FOXP1: variants seen among roughly 807,000 people sequenced by gnomAD.
The protein encoded by FOXP1 is forkhead box protein P1.
A neutral mutation model predicts 98.2 loss-of-function variants in FOXP1; 15 were observed. The observed-to-expected ratio is 0.15, with a 90% CI of 0.10 to 0.24. The LOEUF (loss-of-function observed/expected upper bound fraction) is 0.24. Ranked by LOEUF, FOXP1 falls within the 10% of genes least tolerant of loss-of-function variation. The pLI is 1.00. For synonymous variants in FOXP1, 371 were observed against 314.5 expected (o/e 1.18, Z -1.90); for missense variants, 633 against 848.5 (o/e 0.75, Z 3.15).
intron 17 of FOXP1, among the ~76,000 whole-genome samples, chr3:70,976,428 T>A (rs1575791995): frequency 6.6e-6 from 1 of 152,234 alleles, no homozygotes; most frequent in African/African-American, 2.4e-5. Flanking sequence ...GTGTTCTCCA[T>A]TAATAACTCC....
intron 7 of FOXP1, among the ~76,000 whole-genome samples, chr3:71,092,040 T>G (rs1375529915): frequency 6.6e-6 from 1 of 151,696 alleles, no homozygotes; most frequent in Non-Finnish European, 1.5e-5. Context: ...ATACAAAAAT[T>G]AGCCGGGCAT....
intron 5 of FOXP1, among the ~76,000 whole-genome samples, chr3:71,283,077 T>C (rs1391157499): frequency 1.3e-5 from 2 of 152,174 alleles, no homozygotes; most frequent in East Asian, 1.9e-4. Flanking sequence ...GTCCAGGCCA[T>C]GGGTACCCAT....
intron 6 of FOXP1, among the ~76,000 whole-genome samples, chr3:71,174,914 TG>T (rs1466442842): frequency 4.7e-5 from 7 of 149,434 alleles, no homozygotes; most frequent in East Asian, 2.0e-4. Flanking sequence ...AGTACATAAA[TG>T]TTTTTTTTTT....
At chr3:71,451,393 G>A (rs2086942214) in intron 3 of FOXP1, among the ~76,000 whole-genome samples, 1 of 152,208 alleles carries the variant, frequency 6.6e-6, no homozygotes, top group South Asian at 2.1e-4. Context: ...CAAGTGGCTA[G>A]AGCACATAAA....
At chr3:71,098,679 GAATA>G (rs1360913564) in intron 7 of FOXP1, among the ~76,000 whole-genome samples, 1 of 152,144 alleles carries the variant, frequency 6.6e-6, no homozygotes, top group African/African-American at 2.4e-5. Flanking sequence ...ACTCATTCAT[GAATA>G]AGTGTCTATG....
chr3:70,967,687 G>GTTTTTTTTTTTGTTTTTTTTTTTTTT (rs2035151049), intron 19 of FOXP1, among the ~76,000 whole-genome samples: 1 of 61,358 alleles, frequency 1.6e-5, no homozygotes, highest in African/African-American at 5.7e-5. Flanking sequence ...ACTATTATTT[G>GTTTTTTTTTTTGTTTTTTTTTTTTTT]TTTTTTTTTT....
chr3:71,426,067 A>G lies in FOXP1; in HGVS notation c.-167-66823T>C, dbSNP rs150131610. On this transcript the variant is annotated intron_variant, in intron 3 of 20. Transcript: ENST00000649528. ...CAATGCATGAGCCTCTCATCATGCC[A>G]GCTCTGATCCTATGAGATGTTGAAA... Among the ~76,000 whole-genome samples, 1,421 of 152,320 alleles carry G rather than the reference A, an allele frequency of 9.3e-3. 27 individuals carry two copies. The highest frequency in any genetic ancestry group is 0.033 in the African/African-American group (1,369 of 41,568).
intron 2 of FOXP1, among the ~76,000 whole-genome samples, chr3:71,551,111 G>T (rs2045743857): frequency 6.6e-6 from 1 of 152,162 alleles, no homozygotes. Flanking sequence ...GGCAAATAAT[G>T]CCTGGAATGG....
At chr3:71,312,719 T>C (rs1044786786) in intron 4 of FOXP1, among the ~76,000 whole-genome samples, 3 of 152,162 alleles carry the variant, frequency 2.0e-5, no homozygotes. Flanking sequence ...GCACGGTGGC[T>C]CATACCTGTA....
At chr3:71,241,549 A>G (rs745515039) in intron 5 of FOXP1, among the ~76,000 whole-genome samples, 1 of 152,216 alleles carries the variant, frequency 6.6e-6, no homozygotes, top group Non-Finnish European at 1.5e-5. Context: ...TCTGTCGTGC[A>G]TTATTGTGGT....
chr3:71,017,110 G>A (rs191197157), intron 11 of FOXP1, among the ~76,000 whole-genome samples: 1 of 152,118 alleles, frequency 6.6e-6, no homozygotes, highest in Non-Finnish European at 1.5e-5. Context: ...GGGAACTCAA[G>A]TAGCTATAGT....
At chr3:71,111,133 G>A (rs1013746178) in intron 7 of FOXP1, among the ~76,000 whole-genome samples, 2 of 152,172 alleles carry the variant, frequency 1.3e-5, no homozygotes, top group Admixed American at 6.5e-5. Flanking sequence ...ACCCTGACCT[G>A]TGAAAAGTAA....
chr3:71,475,143 C>T (rs1037690490), intron 3 of FOXP1, among the ~76,000 whole-genome samples: 34 of 152,108 alleles, frequency 2.2e-4, no homozygotes, highest in Admixed American at 1.6e-3. Context: ...CACCTTCCCC[C>T]CTGCTTCTAT....
chr3:71,495,220 T>C (rs1317596112), intron 2 of FOXP1, among the ~76,000 whole-genome samples: 1 of 152,212 alleles, frequency 6.6e-6, no homozygotes, highest in African/African-American at 2.4e-5. Flanking sequence ...ACACAACTGG[T>C]CCCTTCTCAG....
chr3:71,252,402 T>C (rs2068271723), intron 5 of FOXP1, among the ~76,000 whole-genome samples: 1 of 152,254 alleles, frequency 6.6e-6, no homozygotes, highest in South Asian at 2.1e-4. Context: ...GAACACATGC[T>C]AATTGATATA....
intron 7 of FOXP1, among the ~76,000 whole-genome samples, chr3:71,096,834 C>A (rs1386020881): frequency 6.6e-6 from 1 of 152,152 alleles, no homozygotes; most frequent in Non-Finnish European, 1.5e-5. Flanking sequence ...CCAACTGTAG[C>A]CCTGCCAGCT....
intron 4 of FOXP1, among the ~76,000 whole-genome samples, chr3:71,318,123 A>T (rs1393712587): frequency 1.3e-5 from 2 of 151,874 alleles, no homozygotes; most frequent in African/African-American, 4.8e-5. Context: ...GTGATAAACA[A>T]AATGAATTAC....
chr3:71,155,680 A>T (rs1416253963), intron 6 of FOXP1, among the ~76,000 whole-genome samples: 1 of 152,194 alleles, frequency 6.6e-6, no homozygotes, highest in Non-Finnish European at 1.5e-5. Flanking sequence ...TTTAGATACA[A>T]CCCAAGCCAT....
At chr3:71,540,789 C>T (rs1199874954) in intron 2 of FOXP1, among the ~76,000 whole-genome samples, 2 of 152,206 alleles carry the variant, frequency 1.3e-5, no homozygotes, top group Admixed American at 6.5e-5. Context: ...CAGACATACA[C>T]GCATATTGTG....
Sources: gnomAD v4.1 joint callset for allele counts (sites outside exome capture counted in the v4.1 genomes callset) on GRCh38, gnomAD v4.1.1 for gene constraint, MANE v1.5 for transcripts, NCBI Gene and HGNC (gene_info 2026-07-23, HGNC 2026-07-21) for gene names.